Variants in ZNF578 observed in about 807,000 individuals in gnomAD.
ZNF578 encodes the protein zinc finger protein 578.
Under a neutral mutation model 8.3 loss-of-function variants are expected in ZNF578, and 8 were observed. The ratio of observed to expected loss-of-function variants is 0.96; its 90% CI spans 0.56 to 1.74. The LOEUF is 1.74. Among genes scored for constraint, ZNF578 ranks in the 40% most tolerant of loss-of-function variants. ZNF578 has a pLI of 0.00. For synonymous variants in ZNF578, 206 were observed against 232.2 expected (o/e 0.89, Z 1.03); for missense variants, 726 against 707.5 (o/e 1.03, Z -0.30).
chr19:52,471,825 G>T (rs1599886795), intron 2 of ZNF578, among the ~76,000 whole-genome samples: 1 of 152,002 alleles, frequency 6.6e-6, no homozygotes, highest in East Asian at 1.9e-4. Flanking sequence ...CCAAAAAAAA[G>T]GTATGAAGGT....
chr19:52,455,189 C>CTT (rs2059235601), intron 1 of ZNF578: 1 of 114,084 alleles, frequency 8.8e-6, no homozygotes, highest in African/African-American at 3.7e-5. Flanking sequence ...TACTGCCTTT[C>CTT]TATCTTTTTT....
intron 3 of ZNF578, among the ~76,000 whole-genome samples, chr19:52,497,037 A>G (rs985006764): frequency 2.0e-5 from 3 of 151,812 alleles, no homozygotes; most frequent in Admixed American, 6.6e-5. Context: ...GGCTCAAGTG[A>G]TTTTCCCACC....
In ZNF578 at chr19:52,513,291, A is replaced by C. The variant is rs2059457115; in HGVS notation, c.*1137A>C. 6.9e-6 allele frequency among the ~76,000 whole-genome samples: 1 copy of C among 144,476 alleles called. No homozygotes were observed. Among genetic ancestry groups the C allele is most frequent in the Non-Finnish European group, 1.5e-5 (1 of 66,474 alleles). 94.8% of individuals were successfully genotyped at this position (144,476 alleles called of 152,430 possible). Reference sequence around the variant, plus strand: ...CCCACCTCAGCCTCCCAAAGTGATGAGATTACAGGCATATGCCACCGCGCC... The same window carrying C: ...CCCACCTCAGCCTCCCAAAGTGATGCGATTACAGGCATATGCCACCGCGCC... On this transcript the variant is annotated 3_prime_UTR_variant, in exon 6 of 6. Coordinates refer to ENST00000421239, the MANE Select transcript of ZNF578 (RefSeq NM_001099694.2).
At chr19:52,467,655 C>T (rs949814902) in intron 2 of ZNF578, among the ~76,000 whole-genome samples, 6 of 151,758 alleles carry the variant, frequency 4.0e-5, no homozygotes, top group Non-Finnish European at 7.4e-5. Flanking sequence ...AAACAAACTA[C>T]AAAATGCTGA....
Position 52,453,594 on chromosome 19 carries a change from T to C in ZNF578, c.-226T>C, listed in dbSNP as rs976752214. 2.6e-5 allele frequency: 4 copies of C among 152,714 alleles called. No individual in the cohort carries two copies. The highest frequency in any genetic ancestry group is 9.7e-5 in the African/African-American group (4 of 41,438). 9.5% of individuals were successfully genotyped at this position (152,714 alleles called of 1,614,324 possible). On this transcript the variant is annotated 5_prime_UTR_variant, in exon 1 of 6. Coordinates refer to ENST00000421239, the MANE Select transcript of ZNF578 (RefSeq NM_001099694.2). ...GGAAGCCGATCGCGTGGGGAGCCGG[T>C]CTTGGAGCAGCGGGTGAGTTTCCCT...
At chr19:52,480,307 T>C (rs932261425) in intron 2 of ZNF578, among the ~76,000 whole-genome samples, 9 of 152,200 alleles carry the variant, frequency 5.9e-5, no homozygotes, top group Non-Finnish European at 1.2e-4. Flanking sequence ...GTTTCTCTTC[T>C]TTCTGGGTAA....
chr19:52,510,189 T>G (rs1433009358), intron 5 of ZNF578, among the ~76,000 whole-genome samples: 2 of 152,180 alleles, frequency 1.3e-5, no homozygotes, highest in African/African-American at 4.8e-5. Flanking sequence ...TTTTTTGCAT[T>G]TATTTGTACA....
At chr19:52,488,901 C>T (rs1261028679) in intron 2 of ZNF578, among the ~76,000 whole-genome samples, 1 of 152,022 alleles carries the variant, frequency 6.6e-6, no homozygotes, top group Non-Finnish European at 1.5e-5. Context: ...AGACTACCTG[C>T]CTGGCCTACA....
chr19:52,490,965 T>C (rs1364155408), intron 2 of ZNF578, among the ~76,000 whole-genome samples: 2 of 152,238 alleles, frequency 1.3e-5, no homozygotes, highest in African/African-American at 4.8e-5. Flanking sequence ...AGATATTCTG[T>C]AACTATGAAG....
In ZNF578 at chr19:52,496,505, A is replaced by AT. The variant is rs780580284; in HGVS notation, c.-20+5085dup. 4.8e-4 allele frequency among the ~76,000 whole-genome samples: 66 copies of AT among 138,132 alleles called. 4 individuals carry two copies. Among genetic ancestry groups the AT allele is most frequent in the Non-Finnish European group, 8.2e-4 (53 of 64,394 alleles). The allele number at this position is 138,132 out of a possible 152,430, so 90.6% of individuals were successfully genotyped here. A position where few individuals can be genotyped will look rare whatever the true frequency, so the allele number is the denominator to read the frequency against. On this transcript the variant is annotated intron_variant, in intron 3 of 5. Coordinates refer to ENST00000421239, the MANE Select transcript of ZNF578 (RefSeq NM_001099694.2). ...CCACCGCGCCCAGCTAATTTTTTGT[A>AT]TTTTTAGTAGAGACGGGGTGTCACC... is the stretch of plus-strand genomic sequence containing the variant.
chr19:52,471,518 A>G lies in ZNF578; in HGVS notation c.-122+14560A>G, dbSNP rs189616377. On this transcript the variant is annotated intron_variant, in intron 2 of 5. Coordinates refer to ENST00000421239, the MANE Select transcript of ZNF578 (RefSeq NM_001099694.2). ...CTGCCCATCTTGTCAAGCTGATAAT[A>G]AAGCCTGAGTGCCCCCTCCTTTTGC... Among the ~76,000 whole-genome samples the G allele has an allele frequency of 9.1e-4, 138 of 152,258 alleles. 1 individual carries two copies. The highest frequency in any genetic ancestry group is 1.6e-3 in the Non-Finnish European group (106 of 68,036).
intron 2 of ZNF578, among the ~76,000 whole-genome samples, chr19:52,476,326 T>C (rs976398951): frequency 3.3e-5 from 5 of 152,144 alleles, no homozygotes; most frequent in African/African-American, 1.2e-4. Context: ...ATCCAATTGC[T>C]CTTTTACTAG....
At chr19:52,465,743 C>T (rs183344649) in intron 2 of ZNF578, among the ~76,000 whole-genome samples, 43 of 152,346 alleles carry the variant, frequency 2.8e-4, no homozygotes, top group African/African-American at 9.9e-4. Context: ...AGCTCAAATA[C>T]GTGGCGTACT....
chr19:52,463,150 A>T (rs1286407821), intron 2 of ZNF578, among the ~76,000 whole-genome samples: 1 of 152,158 alleles, frequency 6.6e-6, no homozygotes, highest in Non-Finnish European at 1.5e-5. Flanking sequence ...CTTGAGAATT[A>T]TAGGGGATAC....
At chr19:52,466,976 T>G (rs548748187) in intron 2 of ZNF578, among the ~76,000 whole-genome samples, 2 of 152,252 alleles carry the variant, frequency 1.3e-5, no homozygotes, top group South Asian at 4.1e-4. Context: ...ATCCTTGAAC[T>G]CATTTCACGT....
chr19:52,504,693 A>G lies in ZNF578; in HGVS notation c.102A>G (p.Ser34=). The G allele has an allele frequency of 1.2e-6, 2 of 1,614,038 alleles. No homozygotes were observed. The highest frequency in any genetic ancestry group is 2.2e-5 in the South Asian group (2 of 91,080). ...LTFRDVAIEF[S]LAEWKFLNPA... is the part of the protein sequence containing the mutation. ...TCAGGGATGTGGCTATAGAATTCTC[A>G]TTGGCAGAGTGGAAATTCCTGAACC... The change falls in exon 5 of 6, where the codon TCA becomes TCG. Residue 34 remains serine, a synonymous_variant. Transcript: ENST00000421239.
At chr19:52,500,161 A>C (rs1461538488) in intron 3 of ZNF578, among the ~76,000 whole-genome samples, 1 of 152,126 alleles carries the variant, frequency 6.6e-6, no homozygotes, top group East Asian at 1.9e-4. Context: ...GCGGCTGTGA[A>C]ATCAGAAAAT....
At chr19:52,468,524 T>G (rs372637523) in intron 2 of ZNF578, among the ~76,000 whole-genome samples, 25 of 152,344 alleles carry the variant, frequency 1.6e-4, no homozygotes, top group African/African-American at 5.8e-4. Flanking sequence ...CCTAAAGAGT[T>G]AGACTTCATT....
At chr19:52,485,621 C>T (rs1237827388) in intron 2 of ZNF578, among the ~76,000 whole-genome samples, 1 of 152,192 alleles carries the variant, frequency 6.6e-6, no homozygotes, top group Non-Finnish European at 1.5e-5. Context: ...TTGTTCTGTA[C>T]TAAGAAAAAT....
Sources: gnomAD v4.1 joint callset for allele counts (sites outside exome capture counted in the v4.1 genomes callset) on GRCh38, gnomAD v4.1.1 for gene constraint, MANE v1.5 for transcripts, NCBI Gene and HGNC (gene_info 2026-07-23, HGNC 2026-07-21) for gene names.